The following FRMD4A variants were observed in gnomAD, a reference collection of about 807,000 sequenced individuals.
FRMD4A encodes the protein FERM domain-containing protein 4A.
Under a neutral mutation model 129.1 loss-of-function variants are expected in FRMD4A, and 29 were observed. That is an observed-to-expected ratio of 0.22 (90% confidence interval 0.17 to 0.31). The LOEUF (loss-of-function observed/expected upper bound fraction) is 0.31. Ranked by LOEUF, FRMD4A falls within the 10% of genes least tolerant of loss-of-function variation. FRMD4A has a pLI of 1.00. For synonymous variants in FRMD4A, 634 were observed against 571.6 expected (o/e 1.11, Z -1.56); for missense variants, 1,272 against 1,375.8 (o/e 0.92, Z 1.19).
chr10:14,177,126 T>A (rs923046982), intron 2 of FRMD4A, among the ~76,000 whole-genome samples: 1 of 152,234 alleles, frequency 6.6e-6, no homozygotes, highest in Non-Finnish European at 1.5e-5. Flanking sequence ...GTTTGCACTG[T>A]TTGTGCCCTT....
At chr10:14,162,229 A>G (rs2131871130) in intron 2 of FRMD4A, among the ~76,000 whole-genome samples, 1 of 152,322 alleles carries the variant, frequency 6.6e-6, no homozygotes, top group Non-Finnish European at 1.5e-5. Context: ...GTTAGCGGCC[A>G]CCACACTAGA....
At chr10:13,841,407 T>C (rs999148904) in intron 3 of FRMD4A, among the ~76,000 whole-genome samples, 1 of 152,186 alleles carries the variant, frequency 6.6e-6, no homozygotes, top group African/African-American at 2.4e-5. Flanking sequence ...TGACTTGGAA[T>C]GGGGACTGAT....
At chr10:13,736,443 C>T (rs570090543) in intron 12 of FRMD4A, among the ~76,000 whole-genome samples, 7 of 152,334 alleles carry the variant, frequency 4.6e-5, no homozygotes, top group East Asian at 1.9e-4. Flanking sequence ...TCCCTCCACC[C>T]GCCAAAGAGC....
intron 2 of FRMD4A, among the ~76,000 whole-genome samples, chr10:14,175,784 C>G (rs149484238): frequency 7.9e-4 from 121 of 152,288 alleles, no homozygotes; most frequent in Middle Eastern, 3.4e-3. Flanking sequence ...CTCAGCCTCT[C>G]AAAGTGTTGG....
chr10:14,177,337 T>A (rs187101491), intron 2 of FRMD4A, among the ~76,000 whole-genome samples: 46 of 151,864 alleles, frequency 3.0e-4, no homozygotes, highest in African/African-American at 1.1e-3. Flanking sequence ...GCCCAGCTAA[T>A]TTTTTTTGTA....
At chr10:13,932,211 C>T (rs886713457) in intron 2 of FRMD4A, among the ~76,000 whole-genome samples, 2 of 152,230 alleles carry the variant, frequency 1.3e-5, no homozygotes, top group African/African-American at 4.8e-5. Flanking sequence ...CCTTTAGAAT[C>T]TAGCACAGTA....
intron 2 of FRMD4A, among the ~76,000 whole-genome samples, chr10:14,021,598 A>G (rs1832754318): frequency 6.6e-6 from 1 of 151,914 alleles, no homozygotes; most frequent in African/African-American, 2.4e-5. Flanking sequence ...TAAATAAATA[A>G]AAACTGGGGG....
chr10:13,893,537 T>C (rs2094724431), intron 2 of FRMD4A, among the ~76,000 whole-genome samples: 1 of 152,160 alleles, frequency 6.6e-6, no homozygotes, highest in African/African-American at 2.4e-5. Context: ...TTTTTTCTTT[T>C]TTTGAGACAG....
chr10:14,080,958 T>C (rs1281773029), intron 2 of FRMD4A, among the ~76,000 whole-genome samples: 2 of 151,974 alleles, frequency 1.3e-5, no homozygotes, highest in Non-Finnish European at 1.5e-5. Context: ...CAGACGTTGA[T>C]GGAACCGTCA....
At chr10:13,888,977 A>C (rs1318249655) in intron 2 of FRMD4A, among the ~76,000 whole-genome samples, 1 of 152,264 alleles carries the variant, frequency 6.6e-6, no homozygotes, top group Non-Finnish European at 1.5e-5. Context: ...ATGATGCGTC[A>C]GGCTAAACGC....
At chr10:13,841,599 G>A (rs377469158) in intron 3 of FRMD4A, among the ~76,000 whole-genome samples, 52 of 152,298 alleles carry the variant, frequency 3.4e-4, no homozygotes, top group East Asian at 7.7e-4. Context: ...GAGCCTTCCC[G>A]TTGGTGAAAA....
intron 2 of FRMD4A, among the ~76,000 whole-genome samples, chr10:13,929,016 C>T (rs144580815): frequency 6.6e-5 from 10 of 152,332 alleles, no homozygotes; most frequent in African/African-American, 1.2e-4. Flanking sequence ...TAACCGGACA[C>T]GCTTGGCACC....
intron 2 of FRMD4A, among the ~76,000 whole-genome samples, chr10:13,974,936 T>C (rs2095536124): frequency 6.6e-6 from 1 of 152,246 alleles, no homozygotes; most frequent in African/African-American, 2.4e-5. Flanking sequence ...AACAATGCCC[T>C]TGCTTTTCAA....
At chr10:13,664,094 CCT>C (rs2082838106) in intron 18 of FRMD4A, among the ~76,000 whole-genome samples, 1 of 152,134 alleles carries the variant, frequency 6.6e-6, no homozygotes, top group African/African-American at 2.4e-5. Flanking sequence ...AATAATCCTC[CCT>C]GTTTCACTGC....
chr10:14,182,623 C>A (rs1841950443), intron 2 of FRMD4A, among the ~76,000 whole-genome samples: 1 of 152,044 alleles, frequency 6.6e-6, no homozygotes, highest in Admixed American at 6.5e-5. Flanking sequence ...CATCATCTAC[C>A]CTAAAAGTAA....
intron 12 of FRMD4A, among the ~76,000 whole-genome samples, chr10:13,718,689 G>C (rs2089115821): frequency 6.6e-6 from 1 of 152,246 alleles, no homozygotes; most frequent in South Asian, 2.1e-4. Flanking sequence ...AGGAGGGGCG[G>C]AAGCAGAGGA....
chr10:13,986,092 A>G (rs2095580195), intron 2 of FRMD4A, among the ~76,000 whole-genome samples: 3 of 152,142 alleles, frequency 2.0e-5, no homozygotes, highest in Non-Finnish European at 2.9e-5. Context: ...AGGCGTAGAC[A>G]TTACAGCCAC....
chr10:14,231,517 T>C (rs1589203734), intron 2 of FRMD4A, among the ~76,000 whole-genome samples: 1 of 152,044 alleles, frequency 6.6e-6, no homozygotes, highest in Admixed American at 6.6e-5. Context: ...TAATTTTTGT[T>C]GTGTGTTTTT....
At chr10:13,834,233 C>T (rs1334316894) in intron 3 of FRMD4A, among the ~76,000 whole-genome samples, 1 of 152,098 alleles carries the variant, frequency 6.6e-6, no homozygotes, top group African/African-American at 2.4e-5. Flanking sequence ...CCTTGCACTC[C>T]AGCCTGGGCA....
Sources: allele counts gnomAD v4.1 joint callset (sites outside exome capture counted in the v4.1 genomes callset), GRCh38; gene constraint gnomAD v4.1.1; transcripts MANE v1.5; gene names NCBI Gene and HGNC (gene_info 2026-07-23, HGNC 2026-07-21).